The following SH3PXD2A variants were observed in gnomAD, a reference collection of about 807,000 sequenced individuals.
SH3PXD2A encodes the protein SH3 and PX domains 2A, also known as SH3 and PX domain-containing protein 2A.
SH3PXD2A carries 32 observed loss-of-function variants against 115.2 expected under a neutral mutation model. The observed-to-expected ratio is 0.28, with a 90% confidence interval of 0.21 to 0.37. SH3PXD2A has a LOEUF of 0.37. SH3PXD2A is among the 10% of genes least tolerant of loss of function. SH3PXD2A has a pLI of 1.00. For synonymous variants in SH3PXD2A, 610 were observed against 629.1 expected, an observed-to-expected ratio of 0.97 and a Z score of 0.45; for missense variants, 1,328 against 1,498.7, an observed-to-expected ratio of 0.89 and a Z score of 1.88.
chr10:103,770,593 T>C (rs2038806883), intron 2 of SH3PXD2A, among the ~76,000 whole-genome samples: 1 of 152,208 alleles, frequency 6.6e-6, no homozygotes, highest in Non-Finnish European at 1.5e-5. Flanking sequence ...CTTGGTTTGC[T>C]CTGGAGTCTG....
At chr10:103,626,001 G>A (rs1226746937) in intron 9 of SH3PXD2A, among the ~76,000 whole-genome samples, 3 of 152,258 alleles carry the variant, frequency 2.0e-5, no homozygotes, top group South Asian at 4.1e-4. Context: ...CTGCAGAGGT[G>A]CAATGGAACC....
At chr10:103,757,074 A>T (rs913281146) in intron 3 of SH3PXD2A, among the ~76,000 whole-genome samples, 26 of 152,188 alleles carry the variant, frequency 1.7e-4, no homozygotes, top group African/African-American at 6.3e-4. Context: ...AACCCTGGGG[A>T]CACCAGGGTA....
intron 6 of SH3PXD2A, among the ~76,000 whole-genome samples, chr10:103,672,156 G>T (rs776622382): frequency 4.6e-5 from 7 of 152,190 alleles, no homozygotes; most frequent in Non-Finnish European, 8.8e-5. Context: ...ATGATGGTGA[G>T]CATCTGTAAT....
At chr10:103,622,641 G>GGTGGGT in intron 9 of SH3PXD2A, 88 bp from the exon 10 acceptor site, 1 of 771,918 alleles carries the variant, frequency 1.3e-6, no homozygotes, top group East Asian at 2.8e-5. Context: ...GGGGGTGGGA[G>GGTGGGT]GAAGGGGCAC....
Position 103,665,634 on chromosome 10 carries a change from G to A in SH3PXD2A, c.472+2974C>T, listed in dbSNP as rs1051448857. Among the ~76,000 whole-genome samples the A allele has an allele frequency of 7.2e-5, 11 of 152,156 alleles. No individual in the cohort carries two copies. Among genetic ancestry groups the A allele is most frequent in the African/African-American group, 1.7e-4 (7 of 41,442 alleles). ...AGGGTGTTCCCTGGCCAGGGCAGCC[G>A]GGCGGGCGGGAGCTGCGAGCAGGTA... is the stretch of plus-strand genomic sequence containing the variant. On this transcript the variant is annotated intron_variant, in intron 7 of 14. Transcript: ENST00000369774. The surrounding 1 kb of genome is among the most constrained non-coding windows in gnomAD (Gnocchi z 4.0).
intron 6 of SH3PXD2A, among the ~76,000 whole-genome samples, chr10:103,686,872 C>G (rs1040254256): frequency 6.6e-6 from 1 of 151,606 alleles, no homozygotes; most frequent in Non-Finnish European, 1.5e-5. Context: ...TCAGCCTCCT[C>G]AGTAGCTGGG....
intron 1 of SH3PXD2A, among the ~76,000 whole-genome samples, chr10:103,814,028 A>AC: frequency 6.6e-6 from 1 of 151,978 alleles, no homozygotes; most frequent in South Asian, 2.1e-4. Context: ...ACAAAAAAAA[A>AC]ACCACACCCT....
intron 11 of SH3PXD2A, among the ~76,000 whole-genome samples, chr10:103,613,754 T>C (rs542113088): frequency 8.0e-4 from 122 of 152,282 alleles, no homozygotes; most frequent in African/African-American, 2.7e-3. Context: ...GAGTCGCTGC[T>C]AAAAATGTAC....
At chr10:103,844,641 G>C (rs1248312443) in intron 1 of SH3PXD2A, among the ~76,000 whole-genome samples, 2 of 152,212 alleles carry the variant, frequency 1.3e-5, no homozygotes, top group East Asian at 3.8e-4. Context: ...GTAAGACACA[G>C]TGATGGTGTA....
In SH3PXD2A at chr10:103,808,872, TA is replaced by T. The variant is rs2039235266; in HGVS notation, c.73-7511del. Among the ~76,000 whole-genome samples, 9 of 152,320 alleles carry T rather than the reference TA, an allele frequency of 5.9e-5. No individual in the cohort carries two copies. The South Asian group carries it at 1.9e-3, about 32-fold the overall frequency. On this transcript the variant is annotated intron_variant, in intron 1 of 14. Transcript: ENST00000369774. ...TGCCAGTCTGCTGGACACACTGAGA[TA>T]ATGACTGGCTGATCTAATGCCAATC... is the stretch of plus-strand genomic sequence containing the variant.
intron 6 of SH3PXD2A, among the ~76,000 whole-genome samples, chr10:103,687,735 C>G (rs148608864): frequency 6.6e-6 from 1 of 152,202 alleles, no homozygotes; most frequent in African/African-American, 2.4e-5. Flanking sequence ...CGATGAAAGT[C>G]AAAATCCTTA....
intron 13 of SH3PXD2A, chr10:103,608,521 C>T (rs992625241): frequency 6.0e-5 from 9 of 150,676 alleles, no homozygotes; most frequent in South Asian, 2.1e-4. Flanking sequence ...TGAATAATAC[C>T]GAGTCTTCTC....
At chr10:103,844,368 G>C (rs1242567391) in intron 1 of SH3PXD2A, among the ~76,000 whole-genome samples, 1 of 152,200 alleles carries the variant, frequency 6.6e-6, no homozygotes, top group Non-Finnish European at 1.5e-5. Context: ...CTCCTCTGTT[G>C]TTACAGAGAG....
rs76379673 is a variant in SH3PXD2A at position 103,818,459 on chromosome 10, C to T, written c.73-17097G>A. On this transcript the variant is annotated intron_variant, in intron 1 of 14. Transcript: ENST00000369774. ...TGACTTTAAGAGAACACACCTGGTT[C>T]CCCAGGCTCAGCAACAAAGAAACCG... 5.1e-3 allele frequency among the ~76,000 whole-genome samples: 775 copies of T among 152,292 alleles called. 2 individuals are homozygous for T. The highest frequency in any genetic ancestry group is 0.015 in the African/African-American group (617 of 41,560).
At chr10:103,847,379 T>G (rs1458045821) in intron 1 of SH3PXD2A, among the ~76,000 whole-genome samples, 1 of 152,160 alleles carries the variant, frequency 6.6e-6, no homozygotes, top group African/African-American at 2.4e-5. Flanking sequence ...AGTGGTGTGA[T>G]CACGGTTTAC....
In SH3PXD2A at chr10:103,661,515, G is replaced by C. The variant is rs973315648; in HGVS notation, c.473-401C>G. 1.0e-4 allele frequency: 36 copies of C among 357,840 alleles called. No homozygotes were observed. The East Asian group carries it at 2.9e-3, about 28-fold the overall frequency. 22.2% of individuals were successfully genotyped at this position (357,840 alleles called of 1,614,324 possible). ...ACGGGGTCTCTCCGGCCTCCCTCTC[G>C]GGCCGGCAGGGGCATCGGGGAGGGC... On this transcript the variant is annotated intron_variant, in intron 7 of 14. Transcript: ENST00000369774.
intron 5 of SH3PXD2A, among the ~76,000 whole-genome samples, chr10:103,694,604 G>C (rs1042426540): frequency 6.6e-6 from 1 of 152,134 alleles, no homozygotes; most frequent in African/African-American, 2.4e-5. Context: ...GAACCCCCTT[G>C]GTATTCCATG....
At chr10:103,699,609 G>C (rs1592307585) in intron 5 of SH3PXD2A, among the ~76,000 whole-genome samples, 1 of 152,194 alleles carries the variant, frequency 6.6e-6, no homozygotes, top group Admixed American at 6.5e-5. Flanking sequence ...GGAGAGTTGG[G>C]GTTTTTTTTC....
At chr10:103,815,717 C>T (rs1439696809) in intron 1 of SH3PXD2A, among the ~76,000 whole-genome samples, 2 of 151,224 alleles carry the variant, frequency 1.3e-5, no homozygotes, top group African/African-American at 4.9e-5. Flanking sequence ...GGTGAAACCC[C>T]GTCTCTACTA....
Sources: gnomAD v4.1 joint callset for allele counts (sites outside exome capture counted in the v4.1 genomes callset) on GRCh38, gnomAD v4.1.1 for gene constraint, Gnocchi (gnomAD v3.1) non-coding constraint, MANE v1.5 for transcripts, NCBI Gene and HGNC (gene_info 2026-07-23, HGNC 2026-07-21) for gene names.